Variants in RASGEF1A observed in about 807,000 individuals in gnomAD.
RASGEF1A encodes RasGEF domain family member 1A, also known as ras-GEF domain-containing family member 1A.
RASGEF1A carries 18 observed loss-of-function variants against 56.4 expected under a neutral mutation model. That is an observed-to-expected ratio of 0.32 (90% CI 0.22 to 0.47). The LOEUF is 0.47. Among genes scored for constraint, RASGEF1A ranks in the 20% least tolerant of loss-of-function variants. The probability of loss-of-function intolerance (pLI) is 1.00; values close to 1 mark genes in which losing one functional copy is unlikely to be tolerated. For missense variants in RASGEF1A, 422 were observed against 627.1 expected (o/e 0.67, Z 3.49); for synonymous variants, 245 against 242.6 (o/e 1.01, Z -0.09).
chr10:43,259,530 T>C (rs979174765), intron 1 of RASGEF1A, among the ~76,000 whole-genome samples: 3 of 152,176 alleles, frequency 2.0e-5, no homozygotes, highest in African/African-American at 7.2e-5. Context: ...AGACTTCCGC[T>C]ACAACTGCAC....
At position 43,201,863 on chromosome 10, in the gene RASGEF1A, T is replaced by C. The variant is rs751844022; in HGVS notation, c.404A>G (p.Glu135Gly). 2.5e-6 allele frequency: 4 copies of C among 1,611,872 alleles called. No individual in the cohort carries two copies. Among genetic ancestry groups the C allele is most frequent in the Non-Finnish European group, 3.4e-6 (4 of 1,178,708 alleles). The change falls in exon 4 of 13, where the codon GAG (glutamate) becomes GGG (glycine). Residue 135 changes from glutamate to glycine, a missense_variant. By Grantham distance (98) the Glu-to-Gly change is moderately conservative. Coordinates refer to ENST00000395810, the MANE Select transcript of RASGEF1A (RefSeq NM_145313.4). ...TEAFPYDFQDEKAMAELKAIT... is the reference protein window; with the variant it reads ...TEAFPYDFQDGKAMAELKAIT... ...GGCTTTCAGCTCGGCCATGGCCTTC[T>C]CATCCTGGAAGTCATAGGGGAAGGC...
At chr10:43,198,733 G>A (rs543588205) in intron 9 of RASGEF1A, among the ~76,000 whole-genome samples, 200 bp downstream of exon 9, 4 of 152,314 alleles carry the variant, frequency 2.6e-5, no homozygotes, top group African/African-American at 9.6e-5. Flanking sequence ...AGGTGATGCC[G>A]GGTCTGCCTG....
At chr10:43,263,321 G>A (rs979272326) in intron 1 of RASGEF1A, among the ~76,000 whole-genome samples, 1 of 152,190 alleles carries the variant, frequency 6.6e-6, no homozygotes, top group Non-Finnish European at 1.5e-5. Flanking sequence ...TGAAGGAGGT[G>A]TGTGCAGATT....
At chr10:43,208,054 T>C in intron 1 of RASGEF1A, 1 of 985,402 alleles carries the variant, frequency 1.0e-6, no homozygotes, top group Non-Finnish European at 1.2e-6. Flanking sequence ...TGCAATGAAG[T>C]CACGAAGGCG....
intron 1 of RASGEF1A, chr10:43,229,872 C>G (rs1210159596): frequency 1.7e-6 from 1 of 583,476 alleles, no homozygotes; most frequent in Non-Finnish European, 2.5e-6. Context: ...CGGCCAGGAA[C>G]GCGGGGCGGG....
At position 43,207,324 on chromosome 10, in the gene RASGEF1A, C is replaced by T. The variant is rs77964502; in HGVS notation, c.-6-1202G>A. ...GATTACTTCAGTGCCATGACAGGAC[C>T]GTGGGCCTCTGCCCTGTAGGGGCCT... On this transcript the variant is annotated intron_variant, in intron 1 of 12. Coordinates refer to ENST00000395810, the MANE Select transcript of RASGEF1A (RefSeq NM_145313.4). 4.2e-3 allele frequency: 4,126 copies of T among 985,228 alleles called. 123 individuals carry two copies. In the African/African-American group the frequency reaches 0.065, roughly 16 times the overall value. 61.0% of individuals were successfully genotyped at this position (985,228 alleles called of 1,614,324 possible).
chr10:43,266,023 G>A (rs931811353), intron 1 of RASGEF1A, among the ~76,000 whole-genome samples: 2 of 152,202 alleles, frequency 1.3e-5, no homozygotes, highest in African/African-American at 4.8e-5. Context: ...AGGGAGCCCC[G>A]GCCACCACCA....
chr10:43,224,203 T>C (rs539376357), intron 1 of RASGEF1A, among the ~76,000 whole-genome samples: 4 of 152,340 alleles, frequency 2.6e-5, no homozygotes, highest in South Asian at 4.1e-4. Flanking sequence ...TTATATGATA[T>C]ATAAACTATT....
At chr10:43,248,404 AGAT>A (rs1159335007) in intron 1 of RASGEF1A, among the ~76,000 whole-genome samples, 1 of 151,364 alleles carries the variant, frequency 6.6e-6, no homozygotes, top group African/African-American at 2.4e-5. Flanking sequence ...CTGGAATTAG[AGAT>A]GATGGTTCCA....
intron 1 of RASGEF1A, among the ~76,000 whole-genome samples, chr10:43,234,277 T>A (rs898527480): frequency 8.5e-5 from 13 of 152,138 alleles, no homozygotes; most frequent in African/African-American, 2.9e-4. Flanking sequence ...TCAGGGCCTA[T>A]CTAGGTCTGC....
intron 2 of RASGEF1A, among the ~76,000 whole-genome samples, chr10:43,205,211 G>A (rs1380839166): frequency 1.3e-5 from 2 of 152,180 alleles, no homozygotes; most frequent in African/African-American, 4.8e-5. Context: ...ATGCGGGCAG[G>A]ACTGGCCCTC....
chr10:43,217,736 G>A (rs1157019989), intron 1 of RASGEF1A, among the ~76,000 whole-genome samples: 3 of 152,198 alleles, frequency 2.0e-5, no homozygotes, highest in African/African-American at 7.2e-5. Context: ...TCAACAGCAG[G>A]TGCGCCACAT....
At chr10:43,250,421 G>C (rs7067798) in intron 1 of RASGEF1A, among the ~76,000 whole-genome samples, 1 of 152,142 alleles carries the variant, frequency 6.6e-6, no homozygotes, top group Non-Finnish European at 1.5e-5. Context: ...ACCCAGGACA[G>C]TGCCAATTCC....
chr10:43,238,934 G>T (rs2133216576), intron 1 of RASGEF1A, among the ~76,000 whole-genome samples: 1 of 152,358 alleles, frequency 6.6e-6, no homozygotes, highest in Non-Finnish European at 1.5e-5. Context: ...TCCTAGAGCA[G>T]ACACAAATGT....
intron 1 of RASGEF1A, among the ~76,000 whole-genome samples, chr10:43,258,605 C>G (rs1332350928): frequency 2.0e-5 from 3 of 152,200 alleles, no homozygotes; most frequent in Non-Finnish European, 4.4e-5. Flanking sequence ...CGAGGGGCAC[C>G]ACCAGCAGGG....
At chr10:43,209,151 C>T in intron 1 of RASGEF1A, 1 of 985,496 alleles carries the variant, frequency 1.0e-6, no homozygotes, top group Non-Finnish European at 1.2e-6. Flanking sequence ...GCACACTGGG[C>T]TCTTGGCTCC....
intron 1 of RASGEF1A, among the ~76,000 whole-genome samples, chr10:43,256,102 C>G (rs957855828): frequency 6.6e-6 from 1 of 152,204 alleles, no homozygotes. Flanking sequence ...GAGGAGGCCC[C>G]CAGGGGACCC....
chr10:43,215,293 T>G (rs572716438), intron 1 of RASGEF1A, among the ~76,000 whole-genome samples: 1 of 152,272 alleles, frequency 6.6e-6, no homozygotes, highest in African/African-American at 2.4e-5. Flanking sequence ...GGGGCTTCTT[T>G]CTGAGGCAGC....
chr10:43,222,518 C>T (rs950679427), intron 1 of RASGEF1A, among the ~76,000 whole-genome samples: 5 of 152,204 alleles, frequency 3.3e-5, no homozygotes, highest in African/African-American at 1.2e-4. Context: ...CCAAAAGGAG[C>T]GGCTTCAGAG....
Sources: gnomAD v4.1 joint callset for allele counts (sites outside exome capture counted in the v4.1 genomes callset) on GRCh38, gnomAD v4.1.1 for gene constraint, MANE v1.5 for transcripts, NCBI Gene and HGNC (gene_info 2026-07-23, HGNC 2026-07-21) for gene names.